Variants in RASAL2 observed in about 807,000 individuals in gnomAD.
The protein encoded by RASAL2 is RAS protein activator like 2, also known as ras GTPase-activating protein nGAP.
Under a neutral mutation model 128.9 loss-of-function variants are expected in RASAL2, and 58 were observed. That is an observed-to-expected ratio of 0.45 (90% confidence interval 0.36 to 0.56). RASAL2 has a LOEUF of 0.56. RASAL2 is among the 20% of genes least tolerant of loss of function. The pLI, the probability that RASAL2 is intolerant of heterozygous loss-of-function variation, is 0.00. For synonymous variants in RASAL2, 561 were observed against 580.8 expected, an observed-to-expected ratio of 0.97 and a Z score of 0.49; for missense variants, 1,360 against 1,601.6, an observed-to-expected ratio of 0.85 and a Z score of 2.57.
chr1:178,467,508 G>T, intron 17 of RASAL2, 87 bp downstream of exon 17: 23 of 1,147,714 alleles, frequency 2.0e-5, no homozygotes, highest in South Asian at 1.3e-4. Context: ...GCCAAGGCAG[G>T]TACCCAAAAA....
At chr1:178,467,862 G>C (rs1198862415) in intron 17 of RASAL2, among the ~76,000 whole-genome samples, 1 of 152,188 alleles carries the variant, frequency 6.6e-6, no homozygotes, top group Non-Finnish European at 1.5e-5. Context: ...GAATTGCCAG[G>C]GAAAGACAAG....
intron 3 of RASAL2, among the ~76,000 whole-genome samples, chr1:178,324,983 G>A (rs530319854): frequency 6.6e-6 from 1 of 152,254 alleles, no homozygotes; most frequent in East Asian, 1.9e-4. Context: ...TCATAAAGCT[G>A]TTGTGTTCAT....
chr1:178,450,985 G>A (rs772151161), intron 9 of RASAL2, among the ~76,000 whole-genome samples: 44 of 152,130 alleles, frequency 2.9e-4, no homozygotes, highest in African/African-American at 7.0e-4. Context: ...AGCATAGGCC[G>A]TATGAACACG....
intron 1 of RASAL2, among the ~76,000 whole-genome samples, chr1:178,204,377 C>A (rs978286135): frequency 2.0e-5 from 3 of 152,034 alleles, no homozygotes; most frequent in African/African-American, 4.8e-5. Context: ...TAATACACAC[C>A]AGGAGGTTCA....
At chr1:178,320,022 C>G (rs1463099024) in intron 3 of RASAL2, among the ~76,000 whole-genome samples, 1 of 151,612 alleles carries the variant, frequency 6.6e-6, no homozygotes, top group Non-Finnish European at 1.5e-5. Context: ...AGACAGGACC[C>G]TCAGCTGCAG....
chr1:178,440,911 A>T (rs377119347), intron 6 of RASAL2, among the ~76,000 whole-genome samples: 14 of 145,176 alleles, frequency 9.6e-5, no homozygotes, highest in African/African-American at 3.6e-4. Context: ...AAGAAATCTG[A>T]TAAGCTGTTT....
At chr1:178,449,159 G>A (rs1247371428) in intron 9 of RASAL2, among the ~76,000 whole-genome samples, 1 of 152,146 alleles carries the variant, frequency 6.6e-6, no homozygotes, top group Non-Finnish European at 1.5e-5. Flanking sequence ...CAGTAATAGT[G>A]TACGATATCT....
At chr1:178,130,355 A>G (rs1660059550) in intron 1 of RASAL2, among the ~76,000 whole-genome samples, 1 of 152,164 alleles carries the variant, frequency 6.6e-6, no homozygotes, top group African/African-American at 2.4e-5. Context: ...TTTCTGTTTT[A>G]TGTTAAGTTG....
chr1:178,279,673 A>G (rs893017739), intron 1 of RASAL2, among the ~76,000 whole-genome samples: 5 of 152,308 alleles, frequency 3.3e-5, no homozygotes, highest in African/African-American at 1.2e-4. Context: ...TCTTGGTTAT[A>G]TGGCAGACAT....
At chr1:178,184,613 T>C (rs1238624754) in intron 1 of RASAL2, among the ~76,000 whole-genome samples, 1 of 152,072 alleles carries the variant, frequency 6.6e-6, no homozygotes, top group Non-Finnish European at 1.5e-5. Flanking sequence ...TTTCCTTTTG[T>C]CAAAAACCAG....
chr1:178,323,050 G>A (rs1476215562), intron 3 of RASAL2, among the ~76,000 whole-genome samples: 4 of 152,098 alleles, frequency 2.6e-5, no homozygotes, highest in Non-Finnish European at 5.9e-5. Flanking sequence ...TATCCTAAGG[G>A]ACCAATAAGA....
intron 1 of RASAL2, among the ~76,000 whole-genome samples, chr1:178,136,537 C>T (rs915137287): frequency 6.6e-6 from 1 of 151,884 alleles, no homozygotes; most frequent in African/African-American, 2.4e-5. Context: ...AGGAGGATCA[C>T]TTGAGGTCAG....
chr1:178,477,245 T>C lies in RASAL2; in HGVS notation c.*4006T>C, dbSNP rs1648739059. 1.3e-5 allele frequency: 2 copies of C among 152,248 alleles called. No individual in the cohort carries two copies. The allele number at this position is 152,248 out of a possible 1,614,324, so 9.4% of individuals were successfully genotyped here. On this transcript the variant is annotated 3_prime_UTR_variant, in exon 18 of 18. Coordinates refer to ENST00000367649, the MANE Select transcript of RASAL2 (RefSeq NM_170692.4). ...CTTACCCCAGCAGTAAATAGTTGCC[T>C]TCCTACCCCTTACCTGGGGGCCGAT...
chr1:178,349,725 T>C (rs1358934960), intron 3 of RASAL2, among the ~76,000 whole-genome samples: 1 of 152,032 alleles, frequency 6.6e-6, no homozygotes, highest in Non-Finnish European at 1.5e-5. Flanking sequence ...TACTAAAGAG[T>C]TGATGATACA....
rs68137228 is a variant in RASAL2, at chr1:178,110,650, A to ATATATATATGTG, written c.202+15959_202+15960insATATATGTGTAT. Among the ~76,000 whole-genome samples the ATATATATATGTG allele has an allele frequency of 3.6e-5, 5 of 139,158 alleles. No individual in the cohort carries two copies. In the South Asian group the frequency reaches 1.1e-3, roughly 32 times the overall value. 91.3% of individuals were successfully genotyped at this position (139,158 alleles called of 152,430 possible). ...ATATAGTGTATACATATATATATAT[A>ATATATATATGTG]TATGTATGTATACTGCAAACTCCAC... On this transcript the variant is annotated intron_variant, in intron 1 of 17. Transcript: ENST00000367649.
chr1:178,227,540 A>G (rs1384139956), intron 1 of RASAL2, among the ~76,000 whole-genome samples: 1 of 152,160 alleles, frequency 6.6e-6, no homozygotes, highest in African/African-American at 2.4e-5. Context: ...GCCTTTCCTG[A>G]TAATGGGAAG....
intron 1 of RASAL2, among the ~76,000 whole-genome samples, chr1:178,202,996 G>T (rs969576433): frequency 6.6e-6 from 1 of 152,150 alleles, no homozygotes; most frequent in East Asian, 1.9e-4. Flanking sequence ...CCAAAACTGA[G>T]CCCTCAAAAT....
intron 1 of RASAL2, among the ~76,000 whole-genome samples, chr1:178,146,255 C>T (rs2101869243): frequency 6.6e-6 from 1 of 152,278 alleles, no homozygotes; most frequent in Non-Finnish European, 1.5e-5. Context: ...TTTGATTTTT[C>T]ACAACAGAGA....
intron 2 of RASAL2, among the ~76,000 whole-genome samples, chr1:178,295,019 T>C (rs555463858): frequency 2.0e-5 from 3 of 152,180 alleles, no homozygotes; most frequent in East Asian, 1.9e-4. Context: ...AAAACCTGAC[T>C]ACTCCAGGAA....
Sources: allele counts gnomAD v4.1 joint callset (sites outside exome capture counted in the v4.1 genomes callset), GRCh38; gene constraint gnomAD v4.1.1; transcripts MANE v1.5; gene names NCBI Gene and HGNC (gene_info 2026-07-23, HGNC 2026-07-21).